The following CCDC169 variants were observed in gnomAD, a reference collection of about 807,000 sequenced individuals.
CCDC169 encodes coiled-coil domain-containing protein 169.
In CCDC169, 30 loss-of-function variants were observed where a neutral mutation model predicts 36.0. The observed-to-expected ratio is 0.83, with a 90% CI of 0.62 to 1.13. The LOEUF (loss-of-function observed/expected upper bound fraction) is 1.13. CCDC169 is among the 50% of genes most tolerant of loss of function. The pLI, the probability that CCDC169 is intolerant of heterozygous loss-of-function variation, is 0.00. For missense variants in CCDC169, 245 were observed against 245.9 expected, an observed-to-expected ratio of 1.00 and a Z score of 0.03; for synonymous variants, 85 against 81.5, an observed-to-expected ratio of 1.04 and a Z score of -0.23.
chr13:36,256,757 G>A lies in CCDC169; in HGVS notation c.316-2614C>T, dbSNP rs542986268. Among the ~76,000 whole-genome samples, 165 of 152,292 alleles carry A rather than the reference G, an allele frequency of 1.1e-3. 1 individual carries two copies. The highest frequency in any genetic ancestry group is 3.8e-3 in the African/African-American group (159 of 41,574). ...ACATCTTGGCCCTGGCCTCTCTGTG[G>A]ACCTCACCCTGGGCTGAACCCCTCT... On this transcript the variant is annotated intron_variant, in intron 4 of 7. Coordinates refer to ENST00000239859, the MANE Select transcript of CCDC169 (RefSeq NM_001144981.3).
At chr13:36,265,151 G>T (rs1875112314) in intron 4 of CCDC169, among the ~76,000 whole-genome samples, 1 of 152,056 alleles carries the variant, frequency 6.6e-6, no homozygotes, top group Non-Finnish European at 1.5e-5. Context: ...CTCATTTTAG[G>T]TAAACAGATC....
At chr13:36,262,125 C>G (rs1475440556) in intron 4 of CCDC169, among the ~76,000 whole-genome samples, 1 of 152,214 alleles carries the variant, frequency 6.6e-6, no homozygotes, top group African/African-American at 2.4e-5. Context: ...CCCCACCCAA[C>G]TTGAATCTAC....
intron 7 of CCDC169, among the ~76,000 whole-genome samples, chr13:36,233,601 G>C (rs545154942): frequency 2.0e-5 from 3 of 152,166 alleles, no homozygotes; most frequent in South Asian, 4.1e-4. Flanking sequence ...ATACTAATAA[G>C]AGATAGAAAT....
intron 6 of CCDC169, among the ~76,000 whole-genome samples, chr13:36,252,189 T>A (rs779756854): frequency 7.2e-5 from 11 of 152,268 alleles, no homozygotes; most frequent in Admixed American, 2.6e-4. Context: ...AAGCACATAG[T>A]CTGAGGAAAG....
chr13:36,237,579 C>G (rs1871246605), intron 7 of CCDC169, among the ~76,000 whole-genome samples: 1 of 152,016 alleles, frequency 6.6e-6, no homozygotes, highest in African/African-American at 2.4e-5. Context: ...TGTGGCATAT[C>G]CAAAAACTGG....
downstream of CCDC169, chr13:36,222,141 T>G (rs1954906301): frequency 6.6e-6 from 1 of 152,122 alleles, no homozygotes; most frequent in African/African-American, 2.4e-5. Context: ...CAAAAATATA[T>G]GAAACAACTG....
At chr13:36,255,489 C>G (rs945411119) in intron 4 of CCDC169, among the ~76,000 whole-genome samples, 4 of 152,050 alleles carry the variant, frequency 2.6e-5, no homozygotes, top group Admixed American at 6.5e-5. Flanking sequence ...CATGGCGAAC[C>G]CTGTCTGCAC....
chr13:36,230,878 C>T lies in CCDC169; in HGVS notation c.*315G>A, dbSNP rs957975258. The stretch of plus-strand genomic sequence containing the variant: ...CTTTTTGCTAACAGTCAACTAGAAA[C>T]CAAATAGAATAGCAACGTTACTATC... On this transcript the variant is annotated 3_prime_UTR_variant, in exon 8 of 8. Transcript: ENST00000239859. The T allele has an allele frequency of 1.8e-5, 18 of 1,017,700 alleles. No homozygotes were observed. In the African/African-American group the frequency reaches 3.1e-4, roughly 17 times the overall value. 63.0% of individuals were successfully genotyped at this position (1,017,700 alleles called of 1,614,324 possible). A position where few individuals can be genotyped will look rare whatever the true frequency, so the allele number is the denominator to read the frequency against.
Position 36,253,789 on chromosome 13 carries a change from TA to T in CCDC169, c.468+13del. 6.5e-7 allele frequency: 1 copy of T among 1,542,338 alleles called. No individual in the cohort carries two copies. Among genetic ancestry groups the T allele is most frequent in the South Asian group, 1.2e-5 (1 of 81,124 alleles). ...AGAAGAAACACTTAGAATTTGGAAA[TA>T]AAAAAGAGTTACCTGAGACATTTCA... is the stretch of plus-strand genomic sequence containing the variant. On this transcript the variant is annotated intron_variant, in intron 6 of 7. Coordinates refer to ENST00000239859, the MANE Select transcript of CCDC169 (RefSeq NM_001144981.3).
chr13:36,293,169 C>T (rs1013991858), intron 2 of CCDC169, among the ~76,000 whole-genome samples: 22 of 152,118 alleles, frequency 1.4e-4, no homozygotes, highest in South Asian at 4.1e-4. Flanking sequence ...GTCACATGTG[C>T]GCATATTTCC....
intron 4 of CCDC169, chr13:36,281,357 T>A (rs2138603390): frequency 2.5e-6 from 1 of 402,332 alleles, no homozygotes; most frequent in East Asian, 7.7e-5. Flanking sequence ...TGATACATCA[T>A]GCTAAAATAA....
chr13:36,230,712 G>C (rs1870323951), downstream of CCDC169: 1 of 954,028 alleles, frequency 1.0e-6, no homozygotes, highest in Admixed American at 6.1e-5. Context: ...GTTTATTTAA[G>C]ATTGAAGGTT....
rs1004367252 is a variant in CCDC169 at position 36,240,609 on chromosome 13, A to C, written c.545+7997T>G. On this transcript the variant is annotated intron_variant, in intron 7 of 7. Transcript: ENST00000239859. Reference sequence around the variant, plus strand: ...AATTTCCCTCAGGTTCTTTTGCTCCAGGGTACCAATGGCTCCTTAGTTATT... The same window carrying C: ...AATTTCCCTCAGGTTCTTTTGCTCCCGGGTACCAATGGCTCCTTAGTTATT... The C allele has an allele frequency of 1.3e-5, 17 of 1,281,378 alleles. No homozygotes were observed. The African/African-American group carries it at 2.6e-4, about 20-fold the overall frequency. 79.4% of individuals were successfully genotyped at this position (1,281,378 alleles called of 1,614,324 possible). A position where few individuals can be genotyped will look rare whatever the true frequency, so the allele number is the denominator to read the frequency against.
intron 7 of CCDC169, among the ~76,000 whole-genome samples, chr13:36,232,112 A>G (rs1046703603): frequency 9.9e-5 from 15 of 152,230 alleles, no homozygotes; most frequent in African/African-American, 2.4e-4. Context: ...TGAGCTTTGT[A>G]GCATTTTAAC....
At chr13:36,274,099 T>C (rs1272766924) in intron 4 of CCDC169, among the ~76,000 whole-genome samples, 1 of 152,202 alleles carries the variant, frequency 6.6e-6, no homozygotes, top group East Asian at 1.9e-4. Context: ...AGGCATACTA[T>C]GCTTTGAAAT....
At chr13:36,271,493 T>A (rs762254064) in intron 4 of CCDC169, among the ~76,000 whole-genome samples, 1 of 152,150 alleles carries the variant, frequency 6.6e-6, no homozygotes, top group Non-Finnish European at 1.5e-5. Context: ...ATTGCAAAGA[T>A]GTGGAACCAA....
chr13:36,231,390 TCC>T, intron 7 of CCDC169, 98 bp from the exon 8 acceptor site: 1 of 1,182,900 alleles, frequency 8.5e-7, no homozygotes, highest in Non-Finnish European at 1.2e-6. Flanking sequence ...TGCACCTTGT[TCC>T]CCCCAACAGA....
At chr13:36,266,583 C>T (rs1426741942) in intron 4 of CCDC169, among the ~76,000 whole-genome samples, 1 of 152,152 alleles carries the variant, frequency 6.6e-6, no homozygotes, top group African/African-American at 2.4e-5. Context: ...GTTGTTTTAC[C>T]CTGTCCACCC....
chr13:36,294,805 TAGAAC>T (rs775095356), intron 2 of CCDC169, among the ~76,000 whole-genome samples: 2 of 152,054 alleles, frequency 1.3e-5, no homozygotes, highest in Non-Finnish European at 2.9e-5. Flanking sequence ...CACCAGTAAT[TAGAAC>T]AGAACAGAAC....
Sources: gnomAD v4.1 joint callset for allele counts (sites outside exome capture counted in the v4.1 genomes callset) on GRCh38, gnomAD v4.1.1 for gene constraint, MANE v1.5 for transcripts, NCBI Gene and HGNC (gene_info 2026-07-23, HGNC 2026-07-21) for gene names.